CDKN1B: variants seen among roughly 807,000 people sequenced by gnomAD.
CDKN1B encodes cyclin-dependent kinase inhibitor 1B.
In CDKN1B, 7 loss-of-function variants were observed where a neutral mutation model predicts 17.1. That is an observed-to-expected ratio of 0.41 (90% CI 0.23 to 0.77). CDKN1B has a LOEUF of 0.77. CDKN1B is among the 30% of genes least tolerant of loss of function. The pLI is 0.33. For synonymous variants in CDKN1B, 149 were observed against 104.3 expected (o/e 1.43, Z -2.61); for missense variants, 337 against 262.0 (o/e 1.29, Z -1.98).
Position 12,721,224 on chromosome 12 carries a change from T to C in CDKN1B, c.*197T>C, listed in dbSNP as rs752416734. The C allele has an allele frequency of 1.9e-5, 14 of 752,688 alleles. No homozygotes were observed. The highest frequency in any genetic ancestry group is 2.9e-5 in the South Asian group (2 of 68,492). The allele number at this position is 752,688 out of a possible 1,614,324, so 46.6% of individuals were successfully genotyped here. A position where few individuals can be genotyped will look rare whatever the true frequency, so the allele number is the denominator to read the frequency against. On this transcript the variant is annotated 3_prime_UTR_variant, in exon 3 of 3. Coordinates refer to ENST00000228872, the MANE Select transcript of CDKN1B (RefSeq NM_004064.5). The stretch of plus-strand genomic sequence containing the variant: ...CTTAAATGATCTGCCTCTAAAAGCG[T>C]TGGATGTAGCATTATGCAATTAGGT...
rs780466193 is a variant in CDKN1B at position 12,718,336 on chromosome 12, T to C, written c.475+22T>C. ...GACGGTAATGACCCTTTCCCAACCA[T>C]AGAATGTGTTTGGGGCCCCGCTTTG... On this transcript the variant is annotated intron_variant, in intron 1 of 2. Coordinates refer to ENST00000228872, the MANE Select transcript of CDKN1B (RefSeq NM_004064.5). 7.5e-6 allele frequency: 12 copies of C among 1,591,082 alleles called. No individual in the cohort carries two copies. The East Asian group carries it at 8.9e-5, about 12-fold the overall frequency.
In CDKN1B at chr12:12,722,019, G is replaced by A. The variant is rs187299006; in HGVS notation, c.*992G>A. 8.5e-5 allele frequency: 13 copies of A among 152,316 alleles called. 1 individual carries two copies. In the East Asian group the frequency reaches 2.3e-3, roughly 27 times the overall value. The allele number at this position is 152,316 out of a possible 1,614,324, so 9.4% of individuals were successfully genotyped here. A position where few individuals can be genotyped will look rare whatever the true frequency, so the allele number is the denominator to read the frequency against. The stretch of plus-strand genomic sequence containing the variant: ...CATGTAGAGAAAAGCACACTTGTAG[G>A]ATAAGTGAAATGGATACTACATCTT... On this transcript the variant is annotated 3_prime_UTR_variant, in exon 3 of 3. Coordinates refer to ENST00000228872, the MANE Select transcript of CDKN1B (RefSeq NM_004064.5).
Position 12,718,928 on chromosome 12 carries a change from C to G in CDKN1B, c.579C>G (p.Leu193=). The G allele has an allele frequency of 2.5e-6, 4 of 1,614,090 alleles. No homozygotes were observed. Among genetic ancestry groups the G allele is most frequent in the South Asian group, 1.1e-5 (1 of 91,084 alleles). The change falls in exon 2 of 3, where the codon CTC becomes CTG. Residue 193 remains leucine (L), a synonymous_variant. Transcript: ENST00000228872. ...SVEQTPKKPG[L]RRRQT is the part of the protein sequence containing the mutation. ...AGCAGACGCCCAAGAAGCCTGGCCT[C>G]AGAAGACGTCAAACGTAAACAGCTC...
chr12:12,719,049 T>G (rs374454092), intron 2 of CDKN1B, 95 bp downstream of exon 2: 5 of 1,529,524 alleles, frequency 3.3e-6, no homozygotes. Flanking sequence ...TAAAAGCTTA[T>G]GGGGTTTTGT....
intron 2 of CDKN1B, chr12:12,719,246 G>A (rs1025988189): frequency 5.0e-6 from 2 of 403,852 alleles, no homozygotes; most frequent in Admixed American, 3.7e-5. Flanking sequence ...CGTGTTGGGA[G>A]CAATAGGTTC....
rs775058606 is a variant in CDKN1B, at chr12:12,717,884, G to C, written c.45G>C (p.Arg15=). The part of the protein sequence containing the change: ...RVSNGSPSLE[R]MDARQAEHPK... ...CTAACGGGAGCCCTAGCCTGGAGCG[G>C]ATGGACGCCAGGCAGGCGGAGCACC... is the stretch of plus-strand genomic sequence containing the variant. Residue 15 remains arginine (R), a synonymous_variant, in exon 1 of 3, where the codon CGG becomes CGC. Coordinates refer to ENST00000228872, the MANE Select transcript of CDKN1B (RefSeq NM_004064.5). The C allele has an allele frequency of 1.9e-6, 3 of 1,614,026 alleles. No homozygotes were observed. The highest frequency in any genetic ancestry group is 2.5e-6 in the Non-Finnish European group (3 of 1,180,042).
chr12:12,718,195 T>G lies in CDKN1B; in HGVS notation c.356T>G (p.Ile119Ser), dbSNP rs142833529. 2 of 1,613,028 alleles carry G rather than the reference T, an allele frequency of 1.2e-6. No individual in the cohort carries two copies. The highest frequency in any genetic ancestry group is 3.3e-4 in the Middle Eastern group (2 of 6,052). ...GGGAGCCGCCCGGCGGCGCCTTTAATTGGGGCTCCGGCTAACTCTGAGGAC... is the reference window on the plus strand; with the variant it reads ...GGGAGCCGCCCGGCGGCGCCTTTAAGTGGGGCTCCGGCTAACTCTGAGGAC... The part of the protein sequence containing the change: ...VSGSRPAAPL[I>S]GAPANSEDTH... Residue 119 changes from isoleucine (I) to serine (S), a missense_variant, in exon 1 of 3, where the codon ATT (isoleucine) becomes AGT (serine). Transcript: ENST00000228872.
Position 12,717,381 on chromosome 12 carries a change from C to T in CDKN1B, c.-459C>T, listed in dbSNP as rs1338996947. 8.5e-7 allele frequency: 1 copy of T among 1,169,870 alleles called. No individual in the cohort carries two copies. Among genetic ancestry groups the T allele is most frequent in the South Asian group, 2.5e-5 (1 of 40,350 alleles). 72.5% of individuals were successfully genotyped at this position (1,169,870 alleles called of 1,614,324 possible). On this transcript the variant is annotated 5_prime_UTR_variant, in exon 1 of 3. Coordinates refer to ENST00000228872, the MANE Select transcript of CDKN1B (RefSeq NM_004064.5). ...GTCAATCATTTTCTTCTTCGTCAGCCTCCCTTCCACCGCCATATTGGGCCA... is the reference window on the plus strand; with the variant it reads ...GTCAATCATTTTCTTCTTCGTCAGCTTCCCTTCCACCGCCATATTGGGCCA...
rs1175275316 is a variant in CDKN1B at position 12,721,411 on chromosome 12, C to G, written c.*384C>G. Reference sequence around the variant, plus strand: ...TTACAGCAAGTAGATAAATATTTGACTTGCATGAAGAGAAGCAATTTTGGG... The same window carrying G: ...TTACAGCAAGTAGATAAATATTTGAGTTGCATGAAGAGAAGCAATTTTGGG... On this transcript the variant is annotated 3_prime_UTR_variant, in exon 3 of 3. Transcript: ENST00000228872. 2 of 393,510 alleles carry G rather than the reference C, an allele frequency of 5.1e-6. No individual in the cohort carries two copies. The highest frequency in any genetic ancestry group is 2.1e-5 in the African/African-American group (1 of 48,554). 24.4% of individuals were successfully genotyped at this position (393,510 alleles called of 1,614,324 possible).
intron 1 of CDKN1B, among the ~76,000 whole-genome samples, 169 bp from the exon 2 acceptor site, chr12:12,718,656 G>T (rs536538668): frequency 1.3e-5 from 2 of 152,216 alleles, no homozygotes; most frequent in Non-Finnish European, 2.9e-5. Flanking sequence ...TCTGTTTTTT[G>T]AAAACAACCT....
chr12:12,718,380 C>T, intron 1 of CDKN1B, 66 bp downstream of exon 1: 2 of 1,401,556 alleles, frequency 1.4e-6, no homozygotes, highest in Non-Finnish European at 9.8e-7. Flanking sequence ...AGGGTGTTAA[C>T]CTTAGCTTGC....
rs757917082 is a variant in CDKN1B, at chr12:12,718,120, C to T, written c.281C>T (p.Pro94Leu). ...GAGTTCTACTACAGACCCCCGCGGC[C>T]CCCCAAAGGTGCCTGCAAGGTGCCG... is the stretch of plus-strand genomic sequence containing the variant. ...LPEFYYRPPRPPKGACKVPAQ... is the reference protein window; with the variant it reads ...LPEFYYRPPRLPKGACKVPAQ... The change falls in exon 1 of 3, where the codon CCC becomes CTC. Residue 94 changes from proline to leucine, a missense_variant. Physicochemically the swap from Pro to Leu is moderately conservative, Grantham distance 98. Transcript: ENST00000228872. The T allele has an allele frequency of 3.5e-5, 57 of 1,614,054 alleles. No homozygotes were observed. The African/African-American group carries it at 3.6e-4, about 10-fold the overall frequency.
At chr12:12,720,084 T>A (rs999102148) in intron 2 of CDKN1B, among the ~76,000 whole-genome samples, 1 of 152,234 alleles carries the variant, frequency 6.6e-6, no homozygotes, top group Admixed American at 6.5e-5. Context: ...ACTTCACATA[T>A]CTTTTTCAGC....
Position 12,718,940 on chromosome 12 carries a change from A to G in CDKN1B, c.591A>G (p.Gln197=). Residue 197 remains glutamine, a synonymous_variant, in exon 2 of 3, where the codon CAA becomes CAG. Transcript: ENST00000228872. ...TPKKPGLRRR[Q]T Reference sequence around the variant, plus strand: ...AGAAGCCTGGCCTCAGAAGACGTCAAACGTAAACAGCTCGGTGGGTTGATC... The same window carrying G: ...AGAAGCCTGGCCTCAGAAGACGTCAGACGTAAACAGCTCGGTGGGTTGATC... 2 of 1,614,048 alleles carry G rather than the reference A, an allele frequency of 1.2e-6. No homozygotes were observed. Among genetic ancestry groups the G allele is most frequent in the Non-Finnish European group, 1.7e-6 (2 of 1,180,028 alleles).
chr12:12,718,257 A>G lies in CDKN1B; in HGVS notation c.418A>G (p.Ser140Gly), dbSNP rs1267240858. Reference protein sequence around the residue: ...LVDPKTDPSDSQTGLAEQCAG... With the variant: ...LVDPKTDPSDGQTGLAEQCAG... ...GGACCCAAAGACTGATCCGTCGGAC[A>G]GCCAGACGGGGTTAGCGGAGCAATG... The change falls in exon 1 of 3, where the codon AGC becomes GGC. Residue 140 changes from serine to glycine, a missense_variant. Coordinates refer to ENST00000228872, the MANE Select transcript of CDKN1B (RefSeq NM_004064.5). 2 of 1,610,324 alleles carry G rather than the reference A, an allele frequency of 1.2e-6. No homozygotes were observed. Among genetic ancestry groups the G allele is most frequent in the South Asian group, 1.1e-5 (1 of 91,090 alleles).
chr12:12,717,454 C>G lies in CDKN1B; in HGVS notation c.-386C>G, dbSNP rs886049078. ...TTCGGGGTGTTTTTCTCCCCCTCCC[C>G]TGTCCCCGCTTGCTCACGGCTCTGC... is the stretch of plus-strand genomic sequence containing the variant. On this transcript the variant is annotated 5_prime_UTR_variant, in exon 1 of 3. Transcript: ENST00000228872. 103 of 1,301,516 alleles carry G rather than the reference C, an allele frequency of 7.9e-5. No individual in the cohort carries two copies. The highest frequency in any genetic ancestry group is 9.2e-5 in the Non-Finnish European group (94 of 1,020,468). The allele number at this position is 1,301,516 out of a possible 1,614,324, so 80.6% of individuals were successfully genotyped here.
In CDKN1B at chr12:12,721,277, C is replaced by T; in HGVS notation, c.*250C>T. 5.5e-6 allele frequency: 2 copies of T among 362,614 alleles called. No individual in the cohort carries two copies. Among genetic ancestry groups the T allele is most frequent in the South Asian group, 4.8e-5 (2 of 41,814 alleles). The allele number at this position is 362,614 out of a possible 1,614,324, so 22.5% of individuals were successfully genotyped here. On this transcript the variant is annotated 3_prime_UTR_variant, in exon 3 of 3. Coordinates refer to ENST00000228872, the MANE Select transcript of CDKN1B (RefSeq NM_004064.5). ...TTCCTTATTTGCTTCATTGTACTAC[C>T]TGTGTATATAGTTTTTACCTTTTAT...
In CDKN1B at chr12:12,717,371, C is replaced by A; in HGVS notation, c.-469C>A. Reference sequence around the variant, plus strand: ...GACTCGCCGTGTCAATCATTTTCTTCTTCGTCAGCCTCCCTTCCACCGCCA... The same window carrying A: ...GACTCGCCGTGTCAATCATTTTCTTATTCGTCAGCCTCCCTTCCACCGCCA... On this transcript the variant is annotated 5_prime_UTR_variant, in exon 1 of 3. Coordinates refer to ENST00000228872, the MANE Select transcript of CDKN1B (RefSeq NM_004064.5). 2 of 1,124,238 alleles carry A rather than the reference C, an allele frequency of 1.8e-6. No homozygotes were observed. The highest frequency in any genetic ancestry group is 4.0e-4 in the Middle Eastern group (1 of 2,506). 69.6% of individuals were successfully genotyped at this position (1,124,238 alleles called of 1,614,324 possible). A position where few individuals can be genotyped will look rare whatever the true frequency, so the allele number is the denominator to read the frequency against.
rs1302236491 is a variant in CDKN1B at position 12,718,283 on chromosome 12, C to T, written c.444C>T (p.Cys148=). ...GCCAGACGGGGTTAGCGGAGCAATG[C>T]GCAGGAATAAGGAAGCGACCTGCAA... The part of the protein sequence containing the change: ...SDSQTGLAEQ[C]AGIRKRPATD... Residue 148 remains cysteine, a synonymous_variant, in exon 1 of 3, where the codon TGC becomes TGT. Transcript: ENST00000228872. 6 of 1,606,070 alleles carry T rather than the reference C, an allele frequency of 3.7e-6. No homozygotes were observed. The Admixed American group carries it at 6.7e-5, about 18-fold the overall frequency.
Sources: allele counts gnomAD v4.1 joint callset (sites outside exome capture counted in the v4.1 genomes callset), GRCh38; gene constraint gnomAD v4.1.1; transcripts MANE v1.5; gene names NCBI Gene and HGNC (gene_info 2026-07-23, HGNC 2026-07-21).